Variants in CACNB1 observed in about 807,000 individuals in gnomAD.
CACNB1 encodes voltage-dependent L-type calcium channel subunit beta-1.
Under a neutral mutation model 71.6 loss-of-function variants are expected in CACNB1, and 29 were observed. That is an observed-to-expected ratio of 0.40 (90% CI 0.30 to 0.55). CACNB1 has a LOEUF of 0.55. CACNB1 is among the 20% of genes least tolerant of loss of function. CACNB1 has a pLI of 0.38. For missense variants in CACNB1, 623 were observed against 801.8 expected (o/e 0.78, Z 2.69); for synonymous variants, 300 against 319.6 (o/e 0.94, Z 0.65).
chr17:39,187,731 G>A (rs1597706995), intron 3 of CACNB1, 130 bp from the exon 4 acceptor site: 3 of 1,101,436 alleles, frequency 2.7e-6, no homozygotes, highest in African/African-American at 1.5e-5. Context: ...GTATGGACAT[G>A]GGCAGGGTGT....
At chr17:39,176,671 T>C (rs1013198240) in intron 13 of CACNB1, among the ~76,000 whole-genome samples, 4 of 152,118 alleles carry the variant, frequency 2.6e-5, no homozygotes, top group Non-Finnish European at 4.4e-5. Flanking sequence ...ATTTCATGGG[T>C]TTCTTCTGGC....
At chr17:39,176,619 C>T (rs1010115799) in intron 13 of CACNB1, among the ~76,000 whole-genome samples, 4 of 152,190 alleles carry the variant, frequency 2.6e-5, no homozygotes, top group Non-Finnish European at 4.4e-5. Context: ...AACAAATGGG[C>T]TCTGTTGCTG....
intron 2 of CACNB1, chr17:39,193,142 G>A (rs370046958): frequency 1.3e-4 from 29 of 226,242 alleles, no homozygotes; most frequent in Non-Finnish European, 1.7e-4. Flanking sequence ...ATGCAGGCAC[G>A]CGCACGTGTA....
intron 3 of CACNB1, among the ~76,000 whole-genome samples, chr17:39,189,686 T>C (rs59582221): frequency 6.6e-6 from 1 of 151,326 alleles, no homozygotes; most frequent in Non-Finnish European, 1.5e-5. Context: ...TTAGTAGAGA[T>C]GGGGTTTCAC....
intron 13 of CACNB1, 191 bp downstream of exon 13, chr17:39,177,158 CA>C (rs1567790164): frequency 1.4e-6 from 2 of 1,429,196 alleles, no homozygotes; most frequent in Non-Finnish European, 1.8e-6. Flanking sequence ...TATTTTTTTA[CA>C]AAATAAAGCT....
chr17:39,185,879 C>G (rs990437005), intron 6 of CACNB1: 1 of 1,515,012 alleles, frequency 6.6e-7, no homozygotes, highest in Non-Finnish European at 9.0e-7. Flanking sequence ...GAATCCATTA[C>G]AGCCCCCTTC....
intron 2 of CACNB1, chr17:39,193,406 A>G: frequency 2.4e-6 from 1 of 424,928 alleles, no homozygotes; most frequent in Non-Finnish European, 4.8e-6. Context: ...CTTTCCTGAG[A>G]GGCTGTTCTA....
chr17:39,174,897 T>C lies in CACNB1; in HGVS notation c.*296A>G. ...GTAGAAAGAGTTAAGGAAGTGCACCTTTTCTCTAGGAGGGTGAGGGAGGAG... is the reference window on the plus strand; with the variant it reads ...GTAGAAAGAGTTAAGGAAGTGCACCCTTTCTCTAGGAGGGTGAGGGAGGAG... On this transcript the variant is annotated 3_prime_UTR_variant, in exon 14 of 14. Coordinates refer to ENST00000394303, the MANE Select transcript of CACNB1 (RefSeq NM_000723.5). 2.6e-6 allele frequency: 1 copy of C among 390,772 alleles called. No homozygotes were observed. Among genetic ancestry groups the C allele is most frequent in the Non-Finnish European group, 4.6e-6 (1 of 215,614 alleles). 24.2% of individuals were successfully genotyped at this position (390,772 alleles called of 1,614,324 possible).
chr17:39,186,278 G>A lies in CACNB1; in HGVS notation c.628+218C>T. ...GAATGGGGGCAGGGCAGGGGAATCAGGCAGAGAGATGGAGCTACCAAAGAA... is the reference window on the plus strand; with the variant it reads ...GAATGGGGGCAGGGCAGGGGAATCAAGCAGAGAGATGGAGCTACCAAAGAA... On this transcript the variant is annotated intron_variant, in intron 6 of 13. Coordinates refer to ENST00000394303, the MANE Select transcript of CACNB1 (RefSeq NM_000723.5). The surrounding 1 kb of genome is among the most constrained non-coding windows in gnomAD (Gnocchi z 4.1). 1 of 640,270 alleles carries A rather than the reference G, an allele frequency of 1.6e-6. No homozygotes were observed. Among genetic ancestry groups the A allele is most frequent in the East Asian group, 2.7e-5 (1 of 36,688 alleles). The allele number at this position is 640,270 out of a possible 1,614,324, so 39.7% of individuals were successfully genotyped here. A position where few individuals can be genotyped will look rare whatever the true frequency, so the allele number is the denominator to read the frequency against.
intron 1 of CACNB1, among the ~76,000 whole-genome samples, chr17:39,196,242 G>A (rs565775484): frequency 1.3e-5 from 2 of 152,080 alleles, no homozygotes; most frequent in African/African-American, 2.4e-5. Context: ...TCCCCTCCCC[G>A]CCCTTCTCTC....
intron 11 of CACNB1, among the ~76,000 whole-genome samples, chr17:39,178,712 A>C (rs1322363671): frequency 2.0e-5 from 3 of 152,078 alleles, no homozygotes; most frequent in Admixed American, 2.0e-4. Context: ...CGGCAACAAC[A>C]ACAGTCTTCC....
intron 4 of CACNB1, chr17:39,187,189 C>A: frequency 3.3e-6 from 2 of 600,810 alleles, no homozygotes; most frequent in South Asian, 2.0e-5. Flanking sequence ...CATGTGCCCA[C>A]CCTACTCTAC....
At position 39,187,839 on chromosome 17, in the gene CACNB1, C is replaced by A. The variant is rs1359268225; in HGVS notation, c.292-238G>T. ...GACCAGCCTGAACAACATGGTGAAA[C>A]CCCGTCTCTACTAAAAATACAAAAT... On this transcript the variant is annotated intron_variant, in intron 3 of 13. Transcript: ENST00000394303. Among the ~76,000 whole-genome samples the A allele has an allele frequency of 1.3e-5, 2 of 151,968 alleles. 1 individual carries two copies. The highest frequency in any genetic ancestry group is 2.9e-5 in the Non-Finnish European group (2 of 68,006).
chr17:39,190,708 G>A (rs1042901048), intron 3 of CACNB1, among the ~76,000 whole-genome samples: 5 of 151,474 alleles, frequency 3.3e-5, no homozygotes, highest in African/African-American at 4.8e-5. Flanking sequence ...GATTACAGGC[G>A]TGAGCCACAG....
At chr17:39,197,308 C>T in intron 1 of CACNB1, 104 bp downstream of exon 1, 1 of 688,080 alleles carries the variant, frequency 1.5e-6, no homozygotes, top group Non-Finnish European at 2.2e-6. Flanking sequence ...CTCTCTCCTC[C>T]GCGCCCGGCA....
chr17:39,177,370 C>A lies in CACNB1; in HGVS notation c.1312G>T (p.Ala438Ser). 6.2e-7 allele frequency: 1 copy of A among 1,613,242 alleles called. No homozygotes were observed. The highest frequency in any genetic ancestry group is 8.5e-7 in the Non-Finnish European group (1 of 1,179,720). Residue 438 changes from alanine (A) to serine (S), a missense_variant, in exon 13 of 14, where the codon GCC becomes TCC. Ala to Ser is a moderately conservative substitution (Grantham distance 99). Transcript: ENST00000394303. Reference protein sequence around the residue: ...MATAALAASPAPVSNLQGPYL... With the variant: ...MATAALAASPSPVSNLQGPYL... The stretch of plus-strand genomic sequence containing the variant: ...TGTACCTGGAGGTTGGAGACAGGGG[C>A]AGGGCTGGCAGCCAGGGCTGCGGTA...
At chr17:39,184,646 C>A in intron 8 of CACNB1, 138 bp downstream of exon 8, 1 of 679,816 alleles carries the variant, frequency 1.5e-6, no homozygotes, top group Non-Finnish European at 2.6e-6. Context: ...GTGGATTGGG[C>A]CCCCTGGGGG....
At position 39,186,714 on chromosome 17, in the gene CACNB1, C is replaced by T; in HGVS notation, c.551+79G>A. ...AGCTCTGTGCCCTCAGGGCCAGGGA[C>T]AACCATTGAGGCCTAGTCCAGGCTG... On this transcript the variant is annotated intron_variant, in intron 5 of 13. Coordinates refer to ENST00000394303, the MANE Select transcript of CACNB1 (RefSeq NM_000723.5). The surrounding 1 kb of genome is among the most constrained non-coding windows in gnomAD (Gnocchi z 4.1). 2 of 1,580,438 alleles carry T rather than the reference C, an allele frequency of 1.3e-6. No homozygotes were observed. Among genetic ancestry groups the T allele is most frequent in the East Asian group, 2.2e-5 (1 of 44,466 alleles).
chr17:39,184,246 A>G, intron 9 of CACNB1, 79 bp downstream of exon 9: 2 of 1,291,038 alleles, frequency 1.5e-6, no homozygotes, highest in Middle Eastern at 2.0e-4. Context: ...GAGTCCCAGG[A>G]TTGTGATTCG....
Sources: gnomAD v4.1 joint callset for allele counts (sites outside exome capture counted in the v4.1 genomes callset) on GRCh38, gnomAD v4.1.1 for gene constraint, Gnocchi (gnomAD v3.1) non-coding constraint, MANE v1.5 for transcripts, NCBI Gene and HGNC (gene_info 2026-07-23, HGNC 2026-07-21) for gene names.